DLGAP1: variants seen among roughly 807,000 people sequenced by gnomAD.
DLGAP1 encodes disks large-associated protein 1.
DLGAP1 carries 11 observed loss-of-function variants against 90.8 expected under a neutral mutation model. That is an observed-to-expected ratio of 0.12 (90% CI 0.08 to 0.20). The LOEUF is 0.20. Ranked by LOEUF, DLGAP1 falls within the 10% of genes least tolerant of loss-of-function variation. DLGAP1 has a pLI of 1.00. For synonymous variants in DLGAP1, 558 were observed against 540.7 expected (o/e 1.03, Z -0.44); for missense variants, 1,050 against 1,333.8 (o/e 0.79, Z 3.31).
intron 4 of DLGAP1, among the ~76,000 whole-genome samples, chr18:3,860,916 C>T (rs2070011493): frequency 6.6e-6 from 1 of 152,226 alleles, no homozygotes; most frequent in Admixed American, 6.5e-5. Context: ...GAGGAAACGT[C>T]CTTATCCTCC....
At chr18:4,042,621 T>A (rs1040374593) in intron 2 of DLGAP1, among the ~76,000 whole-genome samples, 1 of 152,178 alleles carries the variant, frequency 6.6e-6, no homozygotes, top group African/African-American at 2.4e-5. Context: ...GCGCCTGTAG[T>A]CCTAGCTGTT....
intron 7 of DLGAP1, among the ~76,000 whole-genome samples, chr18:3,665,505 T>C (rs1414951031): frequency 1.3e-5 from 2 of 152,260 alleles, no homozygotes; most frequent in Non-Finnish European, 2.9e-5. Flanking sequence ...GATTAGTTTA[T>C]CATTTTTGCC....
rs572845682 is a variant in DLGAP1 at position 4,254,966 on chromosome 18, G to A, written c.-266-103679C>T. Among the ~76,000 whole-genome samples, 14 of 152,308 alleles carry A rather than the reference G, an allele frequency of 9.2e-5. No individual in the cohort carries two copies. In the South Asian group the frequency reaches 2.9e-3, roughly 32 times the overall value. ...AATGGAACGTAATCTAGGAAGACAC[G>A]CTGAGCCTTGAAGAGGCCAAGGGAG... On this transcript the variant is annotated intron_variant, in intron 1 of 12. Transcript: ENST00000315677.
chr18:4,349,528 G>A (rs569161672), intron 1 of DLGAP1, among the ~76,000 whole-genome samples: 1 of 152,034 alleles, frequency 6.6e-6, no homozygotes, highest in South Asian at 2.1e-4. Context: ...GTTAGTCAAA[G>A]GGTAAAGGTA....
chr18:3,958,816 C>T (rs2073135827), intron 3 of DLGAP1, among the ~76,000 whole-genome samples: 1 of 152,142 alleles, frequency 6.6e-6, no homozygotes, highest in South Asian at 2.1e-4. Context: ...CATCGTCCTC[C>T]CGTTTGACTT....
chr18:3,566,946 C>T (rs919114994), intron 9 of DLGAP1, among the ~76,000 whole-genome samples: 1 of 151,872 alleles, frequency 6.6e-6, no homozygotes, highest in Admixed American at 6.6e-5. Context: ...TTTATGAAAT[C>T]CTACATTTCC....
intron 1 of DLGAP1, among the ~76,000 whole-genome samples, chr18:4,311,746 C>T (rs1378890848): frequency 2.0e-5 from 3 of 152,084 alleles, no homozygotes; most frequent in Non-Finnish European, 2.9e-5. Flanking sequence ...GACAGAATCT[C>T]GCTCTGTCGC....
At chr18:3,773,875 T>C (rs902227584) in intron 5 of DLGAP1, among the ~76,000 whole-genome samples, 2 of 152,188 alleles carry the variant, frequency 1.3e-5, no homozygotes, top group East Asian at 3.8e-4. Context: ...ATGTTAGAAG[T>C]ATTCAATTGC....
chr18:4,140,553 G>A (rs1295582390), intron 2 of DLGAP1, among the ~76,000 whole-genome samples: 6 of 151,852 alleles, frequency 4.0e-5, no homozygotes, highest in Admixed American at 3.9e-4. Context: ...GTCAAGATAC[G>A]AATAGTTTAT....
intron 9 of DLGAP1, among the ~76,000 whole-genome samples, chr18:3,548,301 C>A (rs2076744664): frequency 6.6e-6 from 1 of 151,978 alleles, no homozygotes; most frequent in African/African-American, 2.4e-5. Flanking sequence ...CAATTCAATT[C>A]ATCATATTAA....
intron 1 of DLGAP1, among the ~76,000 whole-genome samples, chr18:4,309,593 T>C (rs942680781): frequency 2.0e-5 from 3 of 152,130 alleles, no homozygotes; most frequent in African/African-American, 7.2e-5. Flanking sequence ...TAGCCCATTT[T>C]TTTTCTTCCT....
intron 1 of DLGAP1, among the ~76,000 whole-genome samples, chr18:4,190,412 GA>G (rs2144727331): frequency 6.6e-6 from 1 of 152,156 alleles, no homozygotes; most frequent in East Asian, 1.9e-4. Context: ...TTAGAGCATT[GA>G]AACTTTGAAA....
At chr18:4,410,486 G>A (rs1486432656) in intron 1 of DLGAP1, among the ~76,000 whole-genome samples, 3 of 152,032 alleles carry the variant, frequency 2.0e-5, no homozygotes, top group Non-Finnish European at 4.4e-5. Flanking sequence ...AAGTATATAT[G>A]CATATATTAA....
chr18:4,069,280 A>G (rs1317062131), intron 2 of DLGAP1, among the ~76,000 whole-genome samples: 1 of 152,180 alleles, frequency 6.6e-6, no homozygotes, highest in South Asian at 2.1e-4. Flanking sequence ...AGTGAATGAG[A>G]GTAAGGATGA....
intron 7 of DLGAP1, among the ~76,000 whole-genome samples, chr18:3,663,692 A>G (rs1231417744): frequency 1.3e-5 from 2 of 152,192 alleles, no homozygotes; most frequent in Non-Finnish European, 2.9e-5. Flanking sequence ...GCTACTGATC[A>G]GGAGCCCACA....
intron 2 of DLGAP1, among the ~76,000 whole-genome samples, chr18:4,057,943 T>G (rs571824937): frequency 3.8e-4 from 58 of 152,344 alleles, no homozygotes; most frequent in Non-Finnish European, 7.1e-4. Context: ...ATAGAGGCTC[T>G]GCTCCTCCTG....
At chr18:4,182,455 C>A (rs184892240) in intron 1 of DLGAP1, among the ~76,000 whole-genome samples, 13 of 152,206 alleles carry the variant, frequency 8.5e-5, no homozygotes, top group Non-Finnish European at 1.8e-4. Flanking sequence ...TTTCCTTCCC[C>A]CACCTTGTGG....
chr18:3,775,552 G>A lies in DLGAP1; in HGVS notation c.1173-33040C>T, dbSNP rs1384286819. Among the ~76,000 whole-genome samples, 1 of 152,206 alleles carries A rather than the reference G, an allele frequency of 6.6e-6. No individual in the cohort carries two copies. The highest frequency in any genetic ancestry group is 1.9e-4 in the East Asian group (1 of 5,202). On this transcript the variant is annotated intron_variant, in intron 5 of 12. Coordinates refer to ENST00000315677, the MANE Select transcript of DLGAP1 (RefSeq NM_004746.4). This position sits in a 1 kb window ranked among gnomAD's most constrained non-coding sequence, Gnocchi z 4.9. Reference sequence around the variant, plus strand: ...ACCAAGCACGCTTCCTGTACAGCCTGTGAAACCCTAAGCCAATTAAGCCTC... The same window carrying A: ...ACCAAGCACGCTTCCTGTACAGCCTATGAAACCCTAAGCCAATTAAGCCTC...
rs553115481 is a variant in DLGAP1 at position 3,704,131 on chromosome 18, C to T, written c.1591+25004G>A. Among the ~76,000 whole-genome samples the T allele has an allele frequency of 6.4e-4, 98 of 152,294 alleles. 2 individuals are homozygous for T. The Middle Eastern group carries it at 0.017, about 26-fold the overall frequency. On this transcript the variant is annotated intron_variant, in intron 7 of 12. Coordinates refer to ENST00000315677, the MANE Select transcript of DLGAP1 (RefSeq NM_004746.4). ...TCACTGCATTTCTCCACATCCTAGC[C>T]CCTAGGAGGATGCTCTGCGGGGCCC...
Sources: gnomAD v4.1 joint callset for allele counts (sites outside exome capture counted in the v4.1 genomes callset) on GRCh38, gnomAD v4.1.1 for gene constraint, Gnocchi (gnomAD v3.1) non-coding constraint, MANE v1.5 for transcripts, NCBI Gene and HGNC (gene_info 2026-07-23, HGNC 2026-07-21) for gene names.